Variants in FBXO17 observed in about 807,000 individuals in gnomAD.
The protein encoded by FBXO17 is F-box only protein 17.
FBXO17 carries 43 observed loss-of-function variants against 34.1 expected under a neutral mutation model. That is an observed-to-expected ratio of 1.26 (90% CI 0.99 to 1.62). The LOEUF (loss-of-function observed/expected upper bound fraction) is 1.62. Ranked by LOEUF, FBXO17 falls within the 40% of genes most tolerant of loss-of-function variation. The pLI is 0.00. For missense variants in FBXO17, 424 were observed against 386.7 expected, an observed-to-expected ratio of 1.10 and a Z score of -0.81; for synonymous variants, 169 against 166.0, an observed-to-expected ratio of 1.02 and a Z score of -0.14.
intron 4 of FBXO17, 41 bp from the exon 5 acceptor site, chr19:38,945,145 C>A (rs925825938): frequency 1.2e-6 from 2 of 1,610,528 alleles, no homozygotes; most frequent in Non-Finnish European, 8.5e-7. Context: ...CGTCACCCAG[C>A]CAGCTCTCTG....
At chr19:38,964,830 G>A (rs1975299257) in intron 1 of FBXO17, among the ~76,000 whole-genome samples, 1 of 152,024 alleles carries the variant, frequency 6.6e-6, no homozygotes, top group Non-Finnish European at 1.5e-5. Flanking sequence ...TGCTGCTGGT[G>A]TTACTGAGTA....
intron 4 of FBXO17, chr19:38,945,356 G>A: frequency 1.8e-6 from 1 of 552,658 alleles, no homozygotes; most frequent in South Asian, 2.1e-5. Context: ...GGTGGTCCTG[G>A]GGTGGAGCCA....
Position 38,950,076 on chromosome 19 carries a change from G to C in FBXO17, c.244C>G (p.Leu82Val), listed in dbSNP as rs1234727917. ...RALYAVAQRC[L>V]PSNEDKEEFP... ...TCCTCCTTGTCTTCGTTGCTGGGCA[G>C]GCAGCGTTGAGCCACTGCGTAGAGT... Residue 82 changes from leucine (L) to valine (V), a missense_variant, in exon 2 of 6, where the codon CTG (leucine) becomes GTG (valine). Physicochemically the swap from Leu to Val is conservative, Grantham distance 32 (BLOSUM62 1). Transcript: ENST00000292852. The C allele has an allele frequency of 6.4e-7, 1 of 1,568,076 alleles. No individual in the cohort carries two copies. The highest frequency in any genetic ancestry group is 1.2e-5 in the South Asian group (1 of 85,570).
chr19:38,953,507 A>G (rs1212091442), intron 1 of FBXO17, among the ~76,000 whole-genome samples: 1 of 151,734 alleles, frequency 6.6e-6, no homozygotes, highest in African/African-American at 2.4e-5. Context: ...TACTAAAAAT[A>G]CAAAAATTAG....
At position 38,950,087 on chromosome 19, in the gene FBXO17, G is replaced by T; in HGVS notation, c.233C>A (p.Ala78Asp). The T allele has an allele frequency of 6.4e-7, 1 of 1,566,778 alleles. No individual in the cohort carries two copies. The highest frequency in any genetic ancestry group is 1.4e-5 in the African/African-American group (1 of 73,788). Residue 78 changes from alanine (A) to aspartate (D), a missense_variant, in exon 2 of 6, where the codon GCT becomes GAT. Transcript: ENST00000292852. ...TTCGTTGCTGGGCAGGCAGCGTTGA[G>T]CCACTGCGTAGAGTGCGCGGCCCTC... ...SAEGRALYAV[A>D]QRCLPSNEDK...
rs377658792 is a variant in FBXO17 at position 38,942,290 on chromosome 19, G to C, written c.*318C>G. 121 of 187,322 alleles carry C rather than the reference G, an allele frequency of 6.5e-4. 4 individuals carry two copies. The East Asian group carries it at 0.014, about 21-fold the overall frequency. 11.6% of individuals were successfully genotyped at this position (187,322 alleles called of 1,614,324 possible). A position where few individuals can be genotyped will look rare whatever the true frequency, so the allele number is the denominator to read the frequency against. ...TTTTTTTTTTTTTCATTGATATAGG[G>C]TCTTGCTTTCTCACCCAGGCTGGAG... On this transcript the variant is annotated 3_prime_UTR_variant, in exon 6 of 6. Transcript: ENST00000292852.
intron 1 of FBXO17, among the ~76,000 whole-genome samples, chr19:38,959,283 CTTTT>C (rs71167603): frequency 3.1e-5 from 4 of 128,078 alleles, no homozygotes; most frequent in Admixed American, 2.3e-4. Flanking sequence ...TTCTTTCTTT[CTTTT>C]TTTTTTTTTG....
chr19:38,961,787 G>A (rs1383016295), intron 1 of FBXO17, among the ~76,000 whole-genome samples: 1 of 151,742 alleles, frequency 6.6e-6, no homozygotes, highest in Non-Finnish European at 1.5e-5. Context: ...TTCAGCCTCC[G>A]GAGTAGCTGG....
intron 3 of FBXO17, among the ~76,000 whole-genome samples, chr19:38,947,816 G>A (rs1380186274): frequency 1.3e-5 from 2 of 151,484 alleles, no homozygotes; most frequent in East Asian, 1.9e-4. Flanking sequence ...CTCCCACTTC[G>A]GCCTCCCAAA....
At chr19:38,949,750 C>T in intron 2 of FBXO17, 1 of 604,188 alleles carries the variant, frequency 1.7e-6, no homozygotes, top group Non-Finnish European at 2.8e-6. Context: ...CAGCCAGGGT[C>T]TTCCTGCCTT....
At chr19:38,945,333 G>A in intron 4 of FBXO17, 1 of 583,722 alleles carries the variant, frequency 1.7e-6, no homozygotes, top group Non-Finnish European at 3.0e-6. Flanking sequence ...CCAGAGCCTG[G>A]GGGAGGAGCC....
intron 1 of FBXO17, among the ~76,000 whole-genome samples, chr19:38,953,257 T>G (rs1975113233): frequency 6.6e-6 from 1 of 151,918 alleles, no homozygotes; most frequent in Admixed American, 6.6e-5. Flanking sequence ...CAGTGAGCTA[T>G]GATTATGCCA....
rs1165735436 is a variant in FBXO17, at chr19:38,950,073, G to T, written c.247C>A (p.Pro83Thr). 1.3e-6 allele frequency: 2 copies of T among 1,568,092 alleles called. No individual in the cohort carries two copies. Among genetic ancestry groups the T allele is most frequent in the Non-Finnish European group, 1.7e-6 (2 of 1,158,226 alleles). The change falls in exon 2 of 6, where the codon CCC becomes ACC. Residue 83 changes from proline to threonine, a missense_variant. Pro to Thr is a conservative substitution (Grantham distance 38). Coordinates refer to ENST00000292852, the MANE Select transcript of FBXO17 (RefSeq NM_024907.7). ...AACTCCTCCTTGTCTTCGTTGCTGG[G>T]CAGGCAGCGTTGAGCCACTGCGTAG... ...ALYAVAQRCL[P>T]SNEDKEEFPL...
At position 38,942,735 on chromosome 19, in the gene FBXO17, G is replaced by T; in HGVS notation, c.710C>A (p.Thr237Asn). ...GTAGCGGATGCCCTTGCCAAAGTTG[G>T]TGAAGACGTGGGAGACCTGCAGGGG... ...RGCRQVSHVF[T>N]NFGKGIRYVS... The change falls in exon 6 of 6, where the codon ACC (threonine) becomes AAC (asparagine). Residue 237 changes from threonine to asparagine, a missense_variant. Physicochemically the swap from Thr to Asn is moderately conservative, Grantham distance 65 (BLOSUM62 0). Coordinates refer to ENST00000292852, the MANE Select transcript of FBXO17 (RefSeq NM_024907.7). 6.2e-7 allele frequency: 1 copy of T among 1,606,670 alleles called. No homozygotes were observed. The highest frequency in any genetic ancestry group is 8.5e-7 in the Non-Finnish European group (1 of 1,177,040).
At position 38,946,215 on chromosome 19, in the gene FBXO17, C is replaced by G. The variant is rs527567869; in HGVS notation, c.557+257G>C. On this transcript the variant is annotated intron_variant, in intron 4 of 5. Transcript: ENST00000292852. The stretch of plus-strand genomic sequence containing the variant: ...GAGGTGTCTCGTTTCAGAGGGGTAT[C>G]AAGCCAGTCAGTGGCCCCCTGTGGA... 139 of 564,370 alleles carry G rather than the reference C, an allele frequency of 2.5e-4. 1 individual carries two copies. In the South Asian group the frequency reaches 2.9e-3, roughly 12 times the overall value. 35.0% of individuals were successfully genotyped at this position (564,370 alleles called of 1,614,324 possible).
Position 38,957,132 on chromosome 19 carries a change from C to T in FBXO17, c.-17-6796G>A, listed in dbSNP as rs113038966. Among the ~76,000 whole-genome samples the T allele has an allele frequency of 4.0e-3, 603 of 152,000 alleles. 4 individuals are homozygous for T. Among genetic ancestry groups the T allele is most frequent in the African/African-American group, 0.014 (578 of 41,462 alleles). On this transcript the variant is annotated intron_variant, in intron 1 of 5. Coordinates refer to ENST00000292852, the MANE Select transcript of FBXO17 (RefSeq NM_024907.7). ...GCATTAATAGTTCACTGAGGCCCGG[C>T]GCTTGAACCCGCGAGGTGGAGGTTG... is the stretch of plus-strand genomic sequence containing the variant.
At chr19:38,958,472 C>A (rs1428612170) in intron 1 of FBXO17, among the ~76,000 whole-genome samples, 2 of 148,036 alleles carry the variant, frequency 1.4e-5, no homozygotes, top group African/African-American at 5.0e-5. Flanking sequence ...CAGTCAAAGA[C>A]AGGCTTATTT....
Position 38,946,572 on chromosome 19 carries a change from G to A in FBXO17, c.462-5C>T. The A allele has an allele frequency of 2.5e-6, 4 of 1,613,936 alleles. No homozygotes were observed. Among genetic ancestry groups the A allele is most frequent in the Non-Finnish European group, 3.4e-6 (4 of 1,179,884 alleles). ...AGCTGCCTCTTGGAGCACCATCTGG[G>A]AAGGAGAGATGGCAGGGGGCAGGGC... On this transcript the variant is annotated splice_region_variant and splice_polypyrimidine_tract_variant and intron_variant, in intron 3 of 5. Transcript: ENST00000292852.
intron 4 of FBXO17, chr19:38,946,033 T>TG (rs1240054027): frequency 1.0e-5 from 2 of 197,614 alleles, no homozygotes; most frequent in Admixed American, 1.1e-4. Flanking sequence ...TGGAATGCTT[T>TG]GGGGCAGAAC....
Sources: gnomAD v4.1 joint callset for allele counts (sites outside exome capture counted in the v4.1 genomes callset) on GRCh38, gnomAD v4.1.1 for gene constraint, MANE v1.5 for transcripts, NCBI Gene and HGNC (gene_info 2026-07-23, HGNC 2026-07-21) for gene names.